The following BACH2 variants were observed in gnomAD, a reference collection of about 807,000 sequenced individuals.
BACH2 encodes the protein transcription regulator protein BACH2.
Under a neutral mutation model 61.8 loss-of-function variants are expected in BACH2, and 5 were observed. The ratio of observed to expected loss-of-function variants is 0.08; its 90% CI spans 0.04 to 0.17. The LOEUF (loss-of-function observed/expected upper bound fraction) is 0.17, where lower values mean the gene tolerates loss of function less well. Among genes scored for constraint, BACH2 ranks in the 10% least tolerant of loss-of-function variants. The pLI, the probability that BACH2 is intolerant of heterozygous loss-of-function variation, is 1.00. For synonymous variants in BACH2, 446 were observed against 440.1 expected (o/e 1.01, Z -0.17); for missense variants, 824 against 1,091.1 (o/e 0.76, Z 3.45).
chr6:90,131,361 G>C (rs1784072305), intron 4 of BACH2, among the ~76,000 whole-genome samples: 1 of 152,172 alleles, frequency 6.6e-6, no homozygotes, highest in South Asian at 2.1e-4. Flanking sequence ...CTGCCGGCTG[G>C]CTTCAAAAGA....
chr6:90,042,730 T>C (rs1779597247), intron 5 of BACH2, among the ~76,000 whole-genome samples: 1 of 152,256 alleles, frequency 6.6e-6, no homozygotes, highest in Non-Finnish European at 1.5e-5. Flanking sequence ...TCCCTTCTTC[T>C]GCTCAAAACA....
At chr6:90,069,508 G>A (rs1781123028) in intron 5 of BACH2, among the ~76,000 whole-genome samples, 1 of 152,166 alleles carries the variant, frequency 6.6e-6, no homozygotes, top group African/African-American at 2.4e-5. Context: ...CTTTAGCAAC[G>A]TCATAAAGAC....
chr6:89,993,051 G>A (rs1461263712), intron 6 of BACH2, among the ~76,000 whole-genome samples: 1 of 152,170 alleles, frequency 6.6e-6, no homozygotes, highest in Non-Finnish European at 1.5e-5. Flanking sequence ...GCTATGTGAG[G>A]ACACAAGGAG....
intron 6 of BACH2, among the ~76,000 whole-genome samples, chr6:89,980,188 G>A (rs1041652582): frequency 7.2e-5 from 11 of 152,000 alleles, no homozygotes; most frequent in South Asian, 2.1e-4. Flanking sequence ...CAGCTACTCC[G>A]GAGGCTGAAG....
chr6:90,229,712 C>T (rs975660773), intron 3 of BACH2, among the ~76,000 whole-genome samples: 7 of 152,202 alleles, frequency 4.6e-5, no homozygotes, highest in African/African-American at 1.4e-4. Flanking sequence ...AGTTTGTGCT[C>T]TGATTCTCAT....
Position 90,067,807 on chromosome 6 carries a change from C to T in BACH2, c.-13+21154G>A, listed in dbSNP as rs187096884. On this transcript the variant is annotated intron_variant, in intron 5 of 8. Transcript: ENST00000257749. The stretch of plus-strand genomic sequence containing the variant: ...GCCAGGGAGTGTCACCAAACACACA[C>T]GTTCTTTCTAAAAGACTATGCATGC... Among the ~76,000 whole-genome samples, 440 of 152,262 alleles carry T rather than the reference C, an allele frequency of 2.9e-3. 1 individual carries two copies. The highest frequency in any genetic ancestry group is 5.1e-3 in the Non-Finnish European group (345 of 68,020).
chr6:90,097,307 A>G (rs58456740), intron 4 of BACH2, among the ~76,000 whole-genome samples: 10,678 of 152,262 alleles, frequency 0.07, 1,012 homozygotes, highest in African/African-American at 0.22. Context: ...ACTATGGATC[A>G]GCAGAGCTGA....
chr6:90,208,731 C>T (rs1006501540), intron 3 of BACH2, among the ~76,000 whole-genome samples: 4 of 152,170 alleles, frequency 2.6e-5, no homozygotes, highest in African/African-American at 9.7e-5. Flanking sequence ...ATAAATCATT[C>T]TACCATAAAA....
intron 4 of BACH2, chr6:90,116,869 A>C (rs1783422348): frequency 1.6e-6 from 1 of 629,460 alleles, no homozygotes; most frequent in Admixed American, 3.2e-5. Flanking sequence ...TATTTGATAG[A>C]TGCCTCCAGG....
intron 3 of BACH2, among the ~76,000 whole-genome samples, chr6:90,225,535 G>A (rs553338550): frequency 1.3e-5 from 2 of 152,112 alleles, no homozygotes; most frequent in African/African-American, 2.4e-5. Flanking sequence ...AACACCACAT[G>A]TTCACACTTA....
At chr6:89,982,363 A>G (rs914825091) in intron 6 of BACH2, among the ~76,000 whole-genome samples, 4 of 152,126 alleles carry the variant, frequency 2.6e-5, no homozygotes, top group African/African-American at 9.7e-5. Context: ...CTAAAAGGGC[A>G]GAGATGGGAT....
chr6:90,236,872 A>C (rs145466650), intron 3 of BACH2, among the ~76,000 whole-genome samples: 284 of 152,278 alleles, frequency 1.9e-3, no homozygotes, highest in African/African-American at 6.7e-3. Context: ...TACTATGTCC[A>C]TGATTCCACT....
chr6:90,177,084 G>C (rs1036783355), intron 4 of BACH2, among the ~76,000 whole-genome samples: 1 of 152,078 alleles, frequency 6.6e-6, no homozygotes, highest in Non-Finnish European at 1.5e-5. Flanking sequence ...TTCTCCTTCT[G>C]AAAGGAAGAA....
chr6:90,113,192 T>A lies in BACH2; in HGVS notation c.-161-24083A>T, dbSNP rs1427987739. On this transcript the variant is annotated intron_variant, in intron 4 of 8. Coordinates refer to ENST00000257749, the MANE Select transcript of BACH2 (RefSeq NM_021813.4). ...CACTCCACTGACAGTATTAGACAGA[T>A]CATTGAGGTGAAAAATTAACAAAGA... 2.0e-5 allele frequency among the ~76,000 whole-genome samples: 3 copies of A among 152,266 alleles called. No individual in the cohort carries two copies. In the East Asian group the frequency reaches 5.8e-4, roughly 29 times the overall value.
At chr6:90,043,268 G>A (rs1036706620) in intron 5 of BACH2, among the ~76,000 whole-genome samples, 6 of 152,178 alleles carry the variant, frequency 3.9e-5, no homozygotes, top group Admixed American at 3.3e-4. Flanking sequence ...GCAGTGTTGA[G>A]AGGTGGGACC....
intron 2 of BACH2, among the ~76,000 whole-genome samples, chr6:90,266,801 G>A (rs1432687742): frequency 2.0e-5 from 3 of 152,068 alleles, no homozygotes; most frequent in Non-Finnish European, 4.4e-5. Context: ...TTTCCTTTGG[G>A]GTGAGGAAAA....
chr6:89,963,335 C>T (rs1774858573), intron 6 of BACH2, among the ~76,000 whole-genome samples: 1 of 151,956 alleles, frequency 6.6e-6, no homozygotes, highest in South Asian at 2.1e-4. Flanking sequence ...TCACTCTCAC[C>T]CAGGCTGGAG....
At chr6:90,290,337 T>G (rs1303809134) in intron 1 of BACH2, among the ~76,000 whole-genome samples, 1 of 152,200 alleles carries the variant, frequency 6.6e-6, no homozygotes, top group Non-Finnish European at 1.5e-5. Context: ...AACTGATCAG[T>G]GCCATTCTTC....
intron 4 of BACH2, among the ~76,000 whole-genome samples, chr6:90,136,455 A>G (rs900245043): frequency 1.3e-5 from 2 of 152,192 alleles, no homozygotes; most frequent in South Asian, 4.1e-4. Flanking sequence ...TGGGACTGAT[A>G]ATTATTACCT....
Sources: allele counts gnomAD v4.1 joint callset (sites outside exome capture counted in the v4.1 genomes callset), GRCh38; gene constraint gnomAD v4.1.1; transcripts MANE v1.5; gene names NCBI Gene and HGNC (gene_info 2026-07-23, HGNC 2026-07-21).